The following MCF2L variants were observed in gnomAD, a reference collection of about 807,000 sequenced individuals.
The protein encoded by MCF2L is guanine nucleotide exchange factor DBS.
A neutral mutation model predicts 153.4 loss-of-function variants in MCF2L; 97 were observed. The ratio of observed to expected loss-of-function variants is 0.63; its 90% CI spans 0.54 to 0.75. The LOEUF is 0.75. Ranked by LOEUF, MCF2L falls within the 30% of genes least tolerant of loss-of-function variation. The pLI, the probability that MCF2L is intolerant of heterozygous loss-of-function variation, is 0.00. For missense variants in MCF2L, 1,347 were observed against 1,495.2 expected (o/e 0.90, Z 1.64); for synonymous variants, 659 against 632.2 (o/e 1.04, Z -0.64).
intron 17 of MCF2L, among the ~76,000 whole-genome samples, chr13:113,083,427 T>A (rs1036395874): frequency 1.3e-5 from 2 of 152,204 alleles, no homozygotes; most frequent in African/African-American, 4.8e-5. Flanking sequence ...TAGTGTCCCT[T>A]AGTATCTGTC....
At chr13:113,017,799 G>C (rs2084627806) in intron 2 of MCF2L, among the ~76,000 whole-genome samples, 1 of 152,206 alleles carries the variant, frequency 6.6e-6, no homozygotes, top group South Asian at 2.1e-4. Flanking sequence ...GGAGCCCACA[G>C]GTCGACACCC....
chr13:112,909,301 G>A (rs758627998), intron 2 of MCF2L: 37 of 779,676 alleles, frequency 4.7e-5, no homozygotes, highest in Non-Finnish European at 8.4e-5. Flanking sequence ...CCAGTCTCGG[G>A]AGGCACTCGG....
At chr13:113,091,054 TCGCCGC>T in intron 26 of MCF2L, 4 of 1,296,500 alleles carry the variant, frequency 3.1e-6, no homozygotes, top group Non-Finnish European at 4.1e-6. Context: ...GTCAGCCTCC[TCGCCGC>T]CTCCCTCCGT....
At position 113,031,036 on chromosome 13, in the gene MCF2L, GAGACAGAGACAGACAGATAC is replaced by G. The variant is rs2085656945; in HGVS notation, c.278+6288_278+6307del. On this transcript the variant is annotated intron_variant, in intron 3 of 29. Transcript: ENST00000535094. The surrounding 1 kb of genome is among the most constrained non-coding windows in gnomAD (Gnocchi z 5.5). The stretch of plus-strand genomic sequence containing the variant: ...AATGTGAGAAAGAAAGAGAGACAGA[GAGACAGAGACAGACAGATAC>G]AGACAGAGAGACAGAGACAGACAGA... Among the ~76,000 whole-genome samples the G allele has an allele frequency of 1.4e-5, 1 of 69,970 alleles. No individual in the cohort carries two copies. The highest frequency in any genetic ancestry group is 8.7e-5 in the African/African-American group (1 of 11,504). The allele number at this position is 69,970 out of a possible 152,430, so 45.9% of individuals were successfully genotyped here.
chr13:112,917,605 C>T (rs532054280), intron 2 of MCF2L: 31 of 183,098 alleles, frequency 1.7e-4, no homozygotes, highest in Middle Eastern at 2.5e-3. Context: ...CCTGGCCCTT[C>T]GTGCCTTCCT....
intron 26 of MCF2L, 27 bp from the exon 27 acceptor site, chr13:113,094,487 T>C (rs1044482851): frequency 1.9e-6 from 3 of 1,593,774 alleles, no homozygotes; most frequent in Middle Eastern, 1.7e-4. Context: ...CACCGGGGGG[T>C]CCCTCACGGG....
intron 2 of MCF2L, among the ~76,000 whole-genome samples, chr13:112,940,262 G>T (rs1192035308): frequency 6.6e-6 from 1 of 152,220 alleles, no homozygotes; most frequent in African/African-American, 2.4e-5. Flanking sequence ...TTTGTAACTG[G>T]TTTATTTGGA....
At chr13:112,937,912 ATTGG>A (rs1254164365) in intron 2 of MCF2L, among the ~76,000 whole-genome samples, 11 of 152,194 alleles carry the variant, frequency 7.2e-5, no homozygotes, top group Admixed American at 7.2e-4. Context: ...GTGAGCTCTG[ATTGG>A]TTGGTTCATT....
intron 1 of MCF2L, among the ~76,000 whole-genome samples, chr13:112,992,778 G>A (rs1371907277): frequency 6.6e-6 from 1 of 152,162 alleles, no homozygotes; most frequent in East Asian, 1.9e-4. Flanking sequence ...TATTGCATTA[G>A]GTCTCCTATA....
At chr13:113,050,699 A>T (rs1220554745) in intron 4 of MCF2L, among the ~76,000 whole-genome samples, 2 of 38,676 alleles carry the variant, frequency 5.2e-5, no homozygotes, top group South Asian at 1.2e-3. Context: ...GGGAGCGGGG[A>T]GGCGGGAGGA....
At chr13:113,082,721 G>A (rs112759605) in intron 17 of MCF2L, among the ~76,000 whole-genome samples, 179 bp downstream of exon 17, 2,457 of 152,290 alleles carry the variant, frequency 0.016, 31 homozygotes, top group Non-Finnish European at 0.026. Flanking sequence ...ATCTCTGAGC[G>A]CCCACGTGGC....
rs534495150 is a variant in MCF2L, at chr13:112,986,156, T to G, written c.79+16698T>G. Among the ~76,000 whole-genome samples, 15 of 150,334 alleles carry G rather than the reference T, an allele frequency of 1.0e-4. No homozygotes were observed. The East Asian group carries it at 2.7e-3, about 27-fold the overall frequency. ...ACTGGCTGAATGCCATCTGTGTGTC[T>G]GCCTGGCATGACCTGCGGTCGGGGT... On this transcript the variant is annotated intron_variant, in intron 1 of 29. Coordinates refer to ENST00000535094, the MANE Select transcript of MCF2L (RefSeq NM_001112732.3).
intron 2 of MCF2L, among the ~76,000 whole-genome samples, chr13:113,018,494 C>A (rs1322192622): frequency 1.3e-5 from 2 of 152,130 alleles, no homozygotes; most frequent in African/African-American, 4.8e-5. Context: ...CTGAGTCATC[C>A]GTTTGACTCT....
At chr13:112,913,580 T>C (rs2081258591) in intron 2 of MCF2L, among the ~76,000 whole-genome samples, 1 of 152,134 alleles carries the variant, frequency 6.6e-6, no homozygotes, top group Non-Finnish European at 1.5e-5. Context: ...CTAGTAAACA[T>C]TTGTGGCAAA....
intron 2 of MCF2L, among the ~76,000 whole-genome samples, chr13:112,964,065 G>A (rs374552418): frequency 2.7e-4 from 40 of 150,686 alleles, no homozygotes; most frequent in African/African-American, 7.6e-4. Context: ...GGGAGGAGAC[G>A]GCGTCCACTT....
chr13:112,982,159 G>A (rs2082456612), intron 1 of MCF2L, among the ~76,000 whole-genome samples: 1 of 152,216 alleles, frequency 6.6e-6, no homozygotes, highest in Non-Finnish European at 1.5e-5. Flanking sequence ...GCTTTGGAAA[G>A]AGGTCTAGGG....
At chr13:113,004,125 C>T (rs1406105473) in intron 1 of MCF2L, among the ~76,000 whole-genome samples, 5 of 152,184 alleles carry the variant, frequency 3.3e-5, no homozygotes, top group Non-Finnish European at 7.4e-5. Flanking sequence ...GTGCAGGCCA[C>T]GCCTCCCCCC....
chr13:113,005,268 A>G (rs34437228), intron 1 of MCF2L, among the ~76,000 whole-genome samples: 39,016 of 152,204 alleles, frequency 0.26, 5,867 homozygotes, highest in Non-Finnish European at 0.34. Flanking sequence ...CTGCAGGCAC[A>G]GAAAGGCAAA....
At chr13:112,996,800 A>T (rs2141014542) in intron 1 of MCF2L, among the ~76,000 whole-genome samples, 1 of 152,290 alleles carries the variant, frequency 6.6e-6, no homozygotes, top group East Asian at 1.9e-4. Flanking sequence ...GATGGCTGGC[A>T]GTGCCGCCCA....
Sources: gnomAD v4.1 joint callset for allele counts (sites outside exome capture counted in the v4.1 genomes callset) on GRCh38, gnomAD v4.1.1 for gene constraint, Gnocchi (gnomAD v3.1) non-coding constraint, MANE v1.5 for transcripts, NCBI Gene and HGNC (gene_info 2026-07-23, HGNC 2026-07-21) for gene names.